SLC9A7: variants seen among roughly 807,000 people sequenced by gnomAD.
The protein encoded by SLC9A7 is sodium/hydrogen exchanger 7.
Under a neutral mutation model 52.6 loss-of-function variants are expected in SLC9A7, and 19 were observed. That is an observed-to-expected ratio of 0.36 (90% CI 0.25 to 0.53). SLC9A7 has a LOEUF of 0.53. Ranked by LOEUF, SLC9A7 falls within the 20% of genes least tolerant of loss-of-function variation. SLC9A7 has a pLI of 0.91. For missense variants in SLC9A7, 455 were observed against 597.9 expected (o/e 0.76, Z 2.49); for synonymous variants, 226 against 252.1 (o/e 0.90, Z 0.98).
chrX:46,659,258 G>C (rs1399447523), intron 7 of SLC9A7, among the ~76,000 whole-genome samples: 7 of 108,565 alleles, frequency 6.4e-5, no homozygotes, highest in East Asian at 5.8e-4. Flanking sequence ...AAACCCACAG[G>C]CAATATCATA....
intron 1 of SLC9A7, among the ~76,000 whole-genome samples, chrX:46,731,432 T>TATATAAAAAAAAAAAAAAAAAAAA (rs748259550): frequency 1.3e-5 from 1 of 78,248 alleles, no homozygotes; most frequent in African/African-American, 4.0e-5. Flanking sequence ...TATAAAAAAT[T>TATATAAAAAAAAAAAAAAAAAAAA]AAAAAAAATT....
chrX:46,631,894 G>T (rs1054145834), intron 13 of SLC9A7, among the ~76,000 whole-genome samples: 1 of 111,807 alleles, frequency 8.9e-6, no homozygotes, highest in African/African-American at 3.3e-5. Context: ...CAAGGCCGCC[G>T]GAACACAACA....
At chrX:46,721,012 A>G (rs1197248402) in intron 1 of SLC9A7, among the ~76,000 whole-genome samples, 3 of 112,256 alleles carry the variant, frequency 2.7e-5, no homozygotes, top group African/African-American at 9.7e-5. Flanking sequence ...GGCTGAACAA[A>G]GGACTTCAAA....
chrX:46,747,479 C>T (rs956875130), intron 1 of SLC9A7, among the ~76,000 whole-genome samples: 1 of 110,251 alleles, frequency 9.1e-6, no homozygotes, highest in Non-Finnish European at 1.9e-5. Flanking sequence ...CGTTTATAAA[C>T]AAAATAATAT....
chrX:46,757,151 A>G (rs921498150), intron 1 of SLC9A7, among the ~76,000 whole-genome samples: 2 of 111,646 alleles, frequency 1.8e-5, no homozygotes, highest in Non-Finnish European at 3.8e-5. Context: ...CTTGGAGTCA[A>G]TCACCTGCAA....
chrX:46,730,670 T>A (rs867936639), intron 1 of SLC9A7, among the ~76,000 whole-genome samples: 6 of 42,910 alleles, frequency 1.4e-4, no homozygotes, highest in Admixed American at 5.0e-4. Flanking sequence ...AAAAAAAAAA[T>A]TATATATATA....
chrX:46,679,620 C>A (rs1361265224), intron 3 of SLC9A7, 58 bp downstream of exon 3: 2 of 893,319 alleles, frequency 2.2e-6, no homozygotes, highest in African/African-American at 2.0e-5. Flanking sequence ...GAAAATTATG[C>A]AGGTAAATTA....
chrX:46,601,133 A>G lies in SLC9A7; in HGVS notation c.*5819T>C, dbSNP rs1942654885. ...TGTGAGATCAGCAGGCTGACTTTCTAGCAGCCCTCATTGCAGATAATCTTT... is the reference window on the plus strand; with the variant it reads ...TGTGAGATCAGCAGGCTGACTTTCTGGCAGCCCTCATTGCAGATAATCTTT... On this transcript the variant is annotated 3_prime_UTR_variant, in exon 17 of 17. Transcript: ENST00000616978. 8.9e-6 allele frequency: 1 copy of G among 112,647 alleles called. No individual in the cohort carries two copies. Among genetic ancestry groups the G allele is most frequent in the Middle Eastern group, 4.6e-3 (1 of 219 alleles). The allele number at this position is 112,647 out of a possible 1,213,427, so 9.3% of individuals were successfully genotyped here. A position where few individuals can be genotyped will look rare whatever the true frequency, so the allele number is the denominator to read the frequency against.
intron 13 of SLC9A7, among the ~76,000 whole-genome samples, chrX:46,633,376 A>C (rs1043596482): frequency 3.0e-5 from 3 of 98,808 alleles, no homozygotes; most frequent in Non-Finnish European, 6.0e-5. Context: ...AAAAAAAAAA[A>C]AAAAACAGAT....
intron 1 of SLC9A7, among the ~76,000 whole-genome samples, chrX:46,698,967 C>T (rs970681576): frequency 9.0e-6 from 1 of 111,236 alleles, no homozygotes; most frequent in Non-Finnish European, 1.9e-5. Context: ...AAGAAATAAC[C>T]TGAGTCAATC....
In SLC9A7 at chrX:46,602,031, A is replaced by C. The variant is rs1942667265; in HGVS notation, c.*4921T>G. 9.6e-6 allele frequency: 1 copy of C among 103,773 alleles called. No individual in the cohort carries two copies. Among genetic ancestry groups the C allele is most frequent in the Non-Finnish European group, 2.0e-5 (1 of 49,665 alleles). The allele number at this position is 103,773 out of a possible 1,213,427, so 8.6% of individuals were successfully genotyped here. ...AAATCTGACTCCAGAGGGGACTATT[A>C]ATTTAATTCCAGGTGAAATTAAAAA... On this transcript the variant is annotated 3_prime_UTR_variant, in exon 17 of 17. Transcript: ENST00000616978.
At chrX:46,739,197 C>T (rs184531872) in intron 1 of SLC9A7, among the ~76,000 whole-genome samples, 20 of 111,807 alleles carry the variant, frequency 1.8e-4, no homozygotes, top group Admixed American at 1.1e-3. Context: ...ATTACCACAG[C>T]AGTTCCAGCT....
chrX:46,713,670 C>T (rs1422962134), intron 1 of SLC9A7, among the ~76,000 whole-genome samples: 2 of 110,069 alleles, frequency 1.8e-5, no homozygotes, highest in Admixed American at 9.8e-5. Flanking sequence ...GCAGGTCCTA[C>T]CCAGAAGAGA....
At chrX:46,644,725 C>T (rs1004628871) in intron 11 of SLC9A7, among the ~76,000 whole-genome samples, 9 of 110,988 alleles carry the variant, frequency 8.1e-5, no homozygotes, top group African/African-American at 1.6e-4. Context: ...GTATAACATG[C>T]GAGAGAATGA....
intron 3 of SLC9A7, among the ~76,000 whole-genome samples, chrX:46,675,060 A>AGT (rs1332474489): frequency 2.0e-4 from 8 of 39,859 alleles, no homozygotes; most frequent in Non-Finnish European, 3.4e-4. Flanking sequence ...AGAGAGAGTG[A>AGT]ATGTGTGTGT....
intron 1 of SLC9A7, among the ~76,000 whole-genome samples, chrX:46,745,067 G>A (rs1200461211): frequency 9.0e-6 from 1 of 111,059 alleles, no homozygotes; most frequent in Non-Finnish European, 1.9e-5. Flanking sequence ...CAGAATTCTA[G>A]AAGAGAGTCA....
chrX:46,657,039 C>T (rs1943710887), intron 7 of SLC9A7, among the ~76,000 whole-genome samples: 1 of 105,258 alleles, frequency 9.5e-6, no homozygotes, highest in African/African-American at 3.5e-5. Flanking sequence ...AGAAACTCTA[C>T]AAGCCAGAAG....
intron 1 of SLC9A7, among the ~76,000 whole-genome samples, chrX:46,753,518 C>T (rs1043273926): frequency 2.7e-5 from 3 of 111,888 alleles, no homozygotes; most frequent in Non-Finnish European, 3.8e-5. Context: ...CTCTTTTTAT[C>T]GCTGCATAGT....
intron 13 of SLC9A7, among the ~76,000 whole-genome samples, chrX:46,633,891 C>T (rs755484381): frequency 2.1e-4 from 23 of 110,854 alleles, no homozygotes; most frequent in Non-Finnish European, 4.2e-4. Context: ...AGGCTGGTCT[C>T]GAACTCCTGA....
Sources: gnomAD v4.1 joint callset for allele counts (sites outside exome capture counted in the v4.1 genomes callset) on GRCh38, gnomAD v4.1.1 for gene constraint, MANE v1.5 for transcripts, NCBI Gene and HGNC (gene_info 2026-07-23, HGNC 2026-07-21) for gene names.